The following NCOA2 variants were observed in gnomAD, a reference collection of about 807,000 sequenced individuals.
NCOA2 encodes the protein nuclear receptor coactivator 2.
NCOA2 carries 21 observed loss-of-function variants against 145.1 expected under a neutral mutation model. The ratio of observed to expected loss-of-function variants is 0.14; its 90% confidence interval spans 0.10 to 0.21. The LOEUF (loss-of-function observed/expected upper bound fraction) is 0.21, where lower values mean the gene tolerates loss of function less well. Ranked by LOEUF, NCOA2 falls within the 10% of genes least tolerant of loss-of-function variation. The pLI is 1.00. For missense variants in NCOA2, 1,472 were observed against 1,837.6 expected (o/e 0.80, Z 3.64); for synonymous variants, 619 against 637.5 (o/e 0.97, Z 0.44).
At chr8:70,178,235 A>G (rs990330154) in intron 4 of NCOA2, among the ~76,000 whole-genome samples, 3 of 152,188 alleles carry the variant, frequency 2.0e-5, no homozygotes, top group African/African-American at 7.2e-5. Context: ...TATGTACAGT[A>G]TTTTATTTTT....
intron 12 of NCOA2, among the ~76,000 whole-genome samples, chr8:70,145,554 C>T (rs1185347379): frequency 6.6e-6 from 1 of 151,754 alleles, no homozygotes. Context: ...ATCTCTTGAC[C>T]GTGTGACCCG....
chr8:70,389,538 C>T (rs1278615173), intron 1 of NCOA2, among the ~76,000 whole-genome samples: 1 of 152,108 alleles, frequency 6.6e-6, no homozygotes, highest in Non-Finnish European at 1.5e-5. Flanking sequence ...CCCCAGCCTC[C>T]CAAAGTGCTG....
intron 1 of NCOA2, among the ~76,000 whole-genome samples, chr8:70,326,650 C>T (rs1207327217): frequency 6.6e-6 from 1 of 152,068 alleles, no homozygotes; most frequent in African/African-American, 2.4e-5. Flanking sequence ...TGGTCACGGC[C>T]TCCAGTGATC....
intron 2 of NCOA2, among the ~76,000 whole-genome samples, chr8:70,281,347 C>A (rs1586356366): frequency 8.2e-6 from 1 of 121,352 alleles, no homozygotes; most frequent in East Asian, 2.5e-4. Context: ...CAGAGCGAGA[C>A]CCTGTCTCAA....
At chr8:70,348,826 T>C (rs1808908685) in intron 1 of NCOA2, among the ~76,000 whole-genome samples, 1 of 152,054 alleles carries the variant, frequency 6.6e-6, no homozygotes, top group Admixed American at 6.6e-5. Flanking sequence ...AGCAAGGAGA[T>C]ACCCAGGGAG....
chr8:70,344,558 G>A (rs184212011), intron 1 of NCOA2, among the ~76,000 whole-genome samples: 68 of 152,238 alleles, frequency 4.5e-4, no homozygotes, highest in African/African-American at 1.6e-3. Context: ...TGCAAACAGC[G>A]GCAGTATTAA....
At chr8:70,126,724 A>C in intron 19 of NCOA2, 89 bp downstream of exon 19, 3 of 1,093,998 alleles carry the variant, frequency 2.7e-6, no homozygotes, top group Non-Finnish European at 4.1e-6. Flanking sequence ...AGCCATGCAA[A>C]GAGCTGTGAG....
chr8:70,156,840 G>A lies in NCOA2; in HGVS notation c.1525C>T (p.Pro509Ser). 6.2e-7 allele frequency: 1 copy of A among 1,613,992 alleles called. No individual in the cohort carries two copies. The highest frequency in any genetic ancestry group is 8.5e-7 in the Non-Finnish European group (1 of 1,179,888). The change falls in exon 11 of 23, where the codon CCT becomes TCT. Residue 509 changes from proline to serine, a missense_variant. Pro to Ser is a moderately conservative substitution (Grantham distance 74, BLOSUM62 -1). This residue lies in a region of NCOA2 where 953 missense variants were observed against 1,062.1 expected (regional missense o/e 0.90). Coordinates refer to ENST00000452400, the MANE Select transcript of NCOA2 (RefSeq NM_006540.4). ...SPRIPPSQFS[P>S]AGSLHSPVGV... ...ACAGGGGAATGCAAGCTTCCTGCAG[G>A]GGAAAACTGACTGGGTGGGATTCGA...
At chr8:70,239,467 C>T (rs1187246528) in intron 2 of NCOA2, among the ~76,000 whole-genome samples, 1 of 152,110 alleles carries the variant, frequency 6.6e-6, no homozygotes, top group Non-Finnish European at 1.5e-5. Context: ...GTACAAGACT[C>T]CACTGCACTC....
At chr8:70,129,014 T>G in intron 16 of NCOA2, 34 bp from the exon 17 acceptor site, 2 of 1,553,746 alleles carry the variant, frequency 1.3e-6, no homozygotes, top group Non-Finnish European at 1.7e-6. Context: ...AAACAAATAA[T>G]TAAACCATAA....
At chr8:70,173,489 GT>G (rs1174154312) in intron 5 of NCOA2, among the ~76,000 whole-genome samples, 9 of 152,282 alleles carry the variant, frequency 5.9e-5, no homozygotes, top group African/African-American at 2.2e-4. Context: ...CCTAGTTATA[GT>G]TTTCATAATC....
chr8:70,444,109 A>G, the NCOA2 span, among the ~76,000 whole-genome samples: 2 of 152,246 alleles, frequency 1.3e-5, no homozygotes, highest in African/African-American at 4.8e-5. Flanking sequence ...CAAAGTGGAA[A>G]TAATCCAAAT....
chr8:70,340,537 G>T (rs1016975595), intron 1 of NCOA2, among the ~76,000 whole-genome samples: 1 of 152,136 alleles, frequency 6.6e-6, no homozygotes, highest in Non-Finnish European at 1.5e-5. Flanking sequence ...ACAGTGTAGC[G>T]ACTTCTCAAA....
At chr8:70,263,984 G>A (rs1044864273) in intron 2 of NCOA2, among the ~76,000 whole-genome samples, 1 of 151,944 alleles carries the variant, frequency 6.6e-6, no homozygotes, top group Non-Finnish European at 1.5e-5. Context: ...AAGCCAAGGC[G>A]GGCATATCAC....
intron 4 of NCOA2, among the ~76,000 whole-genome samples, chr8:70,198,639 G>A (rs191095129): frequency 4.7e-4 from 72 of 152,288 alleles, no homozygotes; most frequent in Non-Finnish European, 7.9e-4. Context: ...GGAAAAAAGG[G>A]TTATATAGCA....
chr8:70,131,776 A>C, intron 16 of NCOA2, 61 bp downstream of exon 16: 1 of 1,501,996 alleles, frequency 6.7e-7, no homozygotes, highest in Non-Finnish European at 8.9e-7. Context: ...GTAAACAGAA[A>C]ATGGACACCT....
At chr8:70,341,437 C>T (rs1808133686) in intron 1 of NCOA2, among the ~76,000 whole-genome samples, 1 of 152,156 alleles carries the variant, frequency 6.6e-6, no homozygotes, top group Admixed American at 6.5e-5. Context: ...TTCTATGAAA[C>T]TGGCCAACAC....
chr8:70,308,525 C>T (rs1016506558), intron 1 of NCOA2, among the ~76,000 whole-genome samples: 4 of 151,656 alleles, frequency 2.6e-5, no homozygotes, highest in Non-Finnish European at 2.9e-5. Context: ...CATGTATATA[C>T]AAACACATAC....
At chr8:70,173,833 A>G (rs1309606449) in intron 5 of NCOA2, among the ~76,000 whole-genome samples, 1 of 152,142 alleles carries the variant, frequency 6.6e-6, no homozygotes, top group Non-Finnish European at 1.5e-5. Context: ...AAAAATAAAA[A>G]TCCCTTTAAG....
Sources: allele counts gnomAD v4.1 joint callset (sites outside exome capture counted in the v4.1 genomes callset), GRCh38; gene constraint gnomAD v4.1.1; regional missense constraint gnomAD v4.1.1; transcripts MANE v1.5; gene names NCBI Gene and HGNC (gene_info 2026-07-23, HGNC 2026-07-21).